The following SEPTIN10 variants were observed in gnomAD, a reference collection of about 807,000 sequenced individuals.
The protein encoded by SEPTIN10 is septin-10.
Under a neutral mutation model 54.8 loss-of-function variants are expected in SEPTIN10, and 66 were observed. That is an observed-to-expected ratio of 1.21 (90% CI 0.99 to 1.48). The LOEUF is 1.48. Ranked by LOEUF, SEPTIN10 falls within the 40% of genes most tolerant of loss-of-function variation. The pLI, the probability that SEPTIN10 is intolerant of heterozygous loss-of-function variation, is 0.00. For missense variants in SEPTIN10, 620 were observed against 545.6 expected (o/e 1.14, Z -1.36); for synonymous variants, 161 against 181.0 (o/e 0.89, Z 0.89).
intron 8 of SEPTIN10, among the ~76,000 whole-genome samples, chr2:109,561,042 A>G (rs904082336): frequency 3.4e-4 from 51 of 151,992 alleles, no homozygotes; most frequent in African/African-American, 1.2e-3. Context: ...TGCAAATATT[A>G]TATTATTCCT....
chr2:109,590,851 A>C (rs1190529951), intron 2 of SEPTIN10, among the ~76,000 whole-genome samples: 1 of 152,138 alleles, frequency 6.6e-6, no homozygotes, highest in Non-Finnish European at 1.5e-5. Flanking sequence ...AGGAGCTGAC[A>C]ACAACCCCCA....
At position 109,545,748 on chromosome 2, in the gene SEPTIN10, A is replaced by C. The variant is rs187878962; in HGVS notation, c.1349+302T>G. 8.1e-4 allele frequency: 1,158 copies of C among 1,427,614 alleles called. 1 individual carries two copies. The highest frequency in any genetic ancestry group is 9.8e-4 in the Non-Finnish European group (1,078 of 1,096,994). The allele number at this position is 1,427,614 out of a possible 1,614,324, so 88.4% of individuals were successfully genotyped here. On this transcript the variant is annotated intron_variant, in intron 10 of 10. Coordinates refer to ENST00000397712, the MANE Select transcript of SEPTIN10 (RefSeq NM_144710.5). ...TACTAGGGCCACGGCTGGGCTATTC[A>C]ATAAGAGCAGCCATTTTCCCCCAGC...
chr2:109,546,583 T>C (rs888440636), intron 9 of SEPTIN10, among the ~76,000 whole-genome samples: 1 of 150,976 alleles, frequency 6.6e-6, no homozygotes. Flanking sequence ...AAATAAGAGA[T>C]GCAAAGTATA....
intron 1 of SEPTIN10, among the ~76,000 whole-genome samples, chr2:109,602,945 C>G (rs182869316): frequency 6.7e-6 from 1 of 149,600 alleles, no homozygotes; most frequent in African/African-American, 2.5e-5. Flanking sequence ...GTGGTGTGTA[C>G]CTGTGGAAAC....
At chr2:109,592,511 C>T (rs567844378) in intron 2 of SEPTIN10, among the ~76,000 whole-genome samples, 5 of 145,670 alleles carry the variant, frequency 3.4e-5, no homozygotes, top group East Asian at 4.2e-4. Context: ...TAGGGCTGGG[C>T]GCAGTGGCCT....
chr2:109,606,234 G>A (rs1351176730), intron 1 of SEPTIN10, among the ~76,000 whole-genome samples: 1 of 152,108 alleles, frequency 6.6e-6, no homozygotes, highest in Non-Finnish European at 1.5e-5. Flanking sequence ...GGCCAACATG[G>A]TGAAACCCCG....
intron 1 of SEPTIN10, among the ~76,000 whole-genome samples, chr2:109,602,681 A>G (rs534744202): frequency 1.6e-5 from 2 of 127,160 alleles, no homozygotes; most frequent in African/African-American, 2.7e-5. Context: ...ATCTCAAATT[A>G]AAAAAAAAAA....
rs888517669 is a variant in SEPTIN10, at chr2:109,574,602, G to A, written c.579C>T (p.Thr193=). ...GHSLKTLDLL[T]MKNLDSKVNI... is the part of the protein sequence containing the mutation. ...CCACCTTGCTGTCAAGGTTCTTCATGGTTAAGAGATCAAGTGTCTTCAGAG... is the reference window on the plus strand; with the variant it reads ...CCACCTTGCTGTCAAGGTTCTTCATAGTTAAGAGATCAAGTGTCTTCAGAG... The change falls in exon 5 of 11, where the codon ACC becomes ACT. Residue 193 remains threonine (T), a synonymous_variant. Transcript: ENST00000397712. 3 of 1,577,854 alleles carry A rather than the reference G, an allele frequency of 1.9e-6. No homozygotes were observed. The highest frequency in any genetic ancestry group is 2.4e-5 in the South Asian group (2 of 82,970).
chr2:109,584,553 T>C (rs571416575), intron 4 of SEPTIN10, among the ~76,000 whole-genome samples: 1 of 152,146 alleles, frequency 6.6e-6, no homozygotes, highest in African/African-American at 2.4e-5. Flanking sequence ...TACCAATCCT[T>C]TTCCCCCTTT....
intron 4 of SEPTIN10, among the ~76,000 whole-genome samples, chr2:109,579,028 A>C (rs1260595008): frequency 6.6e-6 from 1 of 152,172 alleles, no homozygotes; most frequent in Non-Finnish European, 1.5e-5. Flanking sequence ...AATTGACAAC[A>C]CTTTGTCAAG....
chr2:109,580,816 C>T (rs1024762840), intron 4 of SEPTIN10, among the ~76,000 whole-genome samples: 2 of 152,218 alleles, frequency 1.3e-5, no homozygotes, highest in Admixed American at 6.5e-5. Flanking sequence ...TGAGCCCTAC[C>T]ATGTCCCAGC....
chr2:109,593,276 G>C (rs1468988503), intron 1 of SEPTIN10, among the ~76,000 whole-genome samples, 157 bp from the exon 2 acceptor site: 1 of 152,148 alleles, frequency 6.6e-6, no homozygotes, highest in Non-Finnish European at 1.5e-5. Flanking sequence ...GTTTGAAATT[G>C]TGGCTTTCTT....
chr2:109,583,478 T>C (rs1460288171), intron 4 of SEPTIN10, among the ~76,000 whole-genome samples: 1 of 151,906 alleles, frequency 6.6e-6, no homozygotes, highest in Non-Finnish European at 1.5e-5. Flanking sequence ...TATTAAAAAG[T>C]CAAAACACAA....
chr2:109,571,416 T>C (rs757353710), intron 5 of SEPTIN10, among the ~76,000 whole-genome samples: 10 of 152,218 alleles, frequency 6.6e-5, no homozygotes, highest in Non-Finnish European at 1.0e-4. Flanking sequence ...CTGTATGGTA[T>C]GGCTCATTGT....
intron 9 of SEPTIN10, among the ~76,000 whole-genome samples, chr2:109,551,964 T>C (rs1002814833): frequency 1.3e-5 from 2 of 152,200 alleles, no homozygotes; most frequent in Non-Finnish European, 2.9e-5. Flanking sequence ...CGCGGACCAG[T>C]ACTGGTCCAT....
intron 1 of SEPTIN10, among the ~76,000 whole-genome samples, chr2:109,612,488 T>C (rs902900815): frequency 2.6e-5 from 4 of 152,234 alleles, no homozygotes; most frequent in African/African-American, 7.2e-5. Flanking sequence ...CTCACTATAC[T>C]GTATTATTTC....
chr2:109,568,658 G>A (rs1687634404), intron 5 of SEPTIN10, among the ~76,000 whole-genome samples: 1 of 71,098 alleles, frequency 1.4e-5, no homozygotes, highest in South Asian at 8.0e-4. Flanking sequence ...GTGATAAAAG[G>A]TAAACTGAAT....
chr2:109,547,908 A>C (rs564758893), intron 9 of SEPTIN10, among the ~76,000 whole-genome samples: 2 of 152,318 alleles, frequency 1.3e-5, no homozygotes, highest in Non-Finnish European at 2.9e-5. Flanking sequence ...GTGCTCTGTT[A>C]CAGGTGCAAA....
chr2:109,607,567 T>C (rs1698281465), intron 1 of SEPTIN10, among the ~76,000 whole-genome samples: 1 of 152,192 alleles, frequency 6.6e-6, no homozygotes, highest in Non-Finnish European at 1.5e-5. Flanking sequence ...TAGTACTGGA[T>C]TCCTCCCATT....
Sources: gnomAD v4.1 joint callset for allele counts (sites outside exome capture counted in the v4.1 genomes callset) on GRCh38, gnomAD v4.1.1 for gene constraint, MANE v1.5 for transcripts, NCBI Gene and HGNC (gene_info 2026-07-23, HGNC 2026-07-21) for gene names.